The following ITPR2 variants were observed in gnomAD, a reference collection of about 807,000 sequenced individuals.
ITPR2 encodes the protein inositol 1,4,5-trisphosphate-gated calcium channel ITPR2.
In ITPR2, 207 loss-of-function variants were observed where a neutral mutation model predicts 317.1. The ratio of observed to expected loss-of-function variants is 0.65; its 90% confidence interval spans 0.58 to 0.73. The LOEUF (loss-of-function observed/expected upper bound fraction) is 0.73, where lower values mean the gene tolerates loss of function less well. Among genes scored for constraint, ITPR2 ranks in the 30% least tolerant of loss-of-function variants. The pLI, the probability that ITPR2 is intolerant of heterozygous loss-of-function variation, is 0.00. For synonymous variants in ITPR2, 1,156 were observed against 1,149.1 expected (o/e 1.01, Z -0.12); for missense variants, 2,613 against 3,284.0 (o/e 0.80, Z 4.99).
Position 26,513,003 on chromosome 12 carries a change from G to A in ITPR2, c.5074-17743C>T, listed in dbSNP as rs561819699. On this transcript the variant is annotated intron_variant, in intron 37 of 56. Coordinates refer to ENST00000381340, the MANE Select transcript of ITPR2 (RefSeq NM_002223.4). ...CGAGTAGCTGGGATTACAGGTGCCCGGGTAACATTTTGTATTTTTAGTAGA... is the reference window on the plus strand; with the variant it reads ...CGAGTAGCTGGGATTACAGGTGCCCAGGTAACATTTTGTATTTTTAGTAGA... Among the ~76,000 whole-genome samples, 65 of 151,868 alleles carry A rather than the reference G, an allele frequency of 4.3e-4. No individual in the cohort carries two copies. The South Asian group carries it at 4.8e-3, about 11-fold the overall frequency.
chr12:26,689,783 C>T (rs1402498352), intron 10 of ITPR2, among the ~76,000 whole-genome samples: 1 of 152,008 alleles, frequency 6.6e-6, no homozygotes, highest in Non-Finnish European at 1.5e-5. Flanking sequence ...ACTGTAGTGA[C>T]ATCTGATACT....
rs3759118 is a variant in ITPR2, at chr12:26,525,637, C to T, written c.5073+24610G>A. On this transcript the variant is annotated intron_variant, in intron 37 of 56. Coordinates refer to ENST00000381340, the MANE Select transcript of ITPR2 (RefSeq NM_002223.4). ...GTACTACTGAAACAAAACTTTACACCATATAAATAGGATTGCTCTCAATAA... is the reference window on the plus strand; with the variant it reads ...GTACTACTGAAACAAAACTTTACACTATATAAATAGGATTGCTCTCAATAA... 3.2e-4 allele frequency among the ~76,000 whole-genome samples: 49 copies of T among 152,252 alleles called. No homozygotes were observed. The East Asian group carries it at 8.5e-3, about 26-fold the overall frequency.
At chr12:26,462,353 T>C (rs1942058099) in intron 45 of ITPR2, among the ~76,000 whole-genome samples, 1 of 151,898 alleles carries the variant, frequency 6.6e-6, no homozygotes, top group Non-Finnish European at 1.5e-5. Flanking sequence ...TTTTATTAGG[T>C]TGGTGCAAAA....
intron 21 of ITPR2, chr12:26,649,061 GTTC>G (rs1244669026): frequency 1.3e-5 from 2 of 152,126 alleles, no homozygotes; most frequent in African/African-American, 2.4e-5. Flanking sequence ...AATTATTTAA[GTTC>G]TTAACTTTTT....
In ITPR2 at chr12:26,757,942, T is replaced by C. The variant is rs117724879; in HGVS notation, c.164-32177A>G. Among the ~76,000 whole-genome samples, 455 of 152,308 alleles carry C rather than the reference T, an allele frequency of 3.0e-3. 1 individual carries two copies. Among genetic ancestry groups the C allele is most frequent in the Non-Finnish European group, 4.3e-3 (292 of 68,026 alleles). On this transcript the variant is annotated intron_variant, in intron 2 of 56. Transcript: ENST00000381340. ...GGAAAGGGCTGCTGTGACTCTCCTG[T>C]TTGATTATTTCTAGAGCATTAAAAA... is the stretch of plus-strand genomic sequence containing the variant.
chr12:26,825,087 G>C (rs1314907170), intron 1 of ITPR2, among the ~76,000 whole-genome samples: 1 of 152,052 alleles, frequency 6.6e-6, no homozygotes, highest in Admixed American at 6.6e-5. Flanking sequence ...CAATAAATTA[G>C]CCGAATGTGG....
intron 34 of ITPR2, among the ~76,000 whole-genome samples, chr12:26,571,984 T>C (rs1945173603): frequency 6.6e-6 from 1 of 152,242 alleles, no homozygotes; most frequent in Admixed American, 6.5e-5. Context: ...ATAATTGATC[T>C]TTACATTGAC....
intron 45 of ITPR2, among the ~76,000 whole-genome samples, chr12:26,471,543 A>T (rs1446763673): frequency 1.3e-5 from 2 of 152,220 alleles, no homozygotes; most frequent in Admixed American, 1.3e-4. Flanking sequence ...AGTTTTATGT[A>T]GATCAGACAA....
At position 26,622,352 on chromosome 12, in the gene ITPR2, C is replaced by T. The variant is rs1414370506; in HGVS notation, c.3176G>A (p.Arg1059Gln). The change falls in exon 25 of 57, where the codon CGG becomes CAG. Residue 1059 changes from arginine (R) to glutamine (Q), a missense_variant. Physicochemically the swap from Arg to Gln is conservative, Grantham distance 43. This residue lies in a region of ITPR2 where 817 missense variants were observed against 897.6 expected (regional missense o/e 0.91). Coordinates refer to ENST00000381340, the MANE Select transcript of ITPR2 (RefSeq NM_002223.4). ...GTGCATGATCAGATGAATGAGGACC[C>T]GTAAAAACGTCCTGCCTCCTTCATC... ...LDDEGGRTFL[R>Q]VLIHLIMHDY... 2.5e-6 allele frequency: 4 copies of T among 1,612,902 alleles called. No homozygotes were observed. Among genetic ancestry groups the T allele is most frequent in the African/African-American group, 1.3e-5 (1 of 74,936 alleles).
At chr12:26,778,613 G>A (rs566147715) in intron 2 of ITPR2, among the ~76,000 whole-genome samples, 3 of 152,216 alleles carry the variant, frequency 2.0e-5, no homozygotes, top group Non-Finnish European at 4.4e-5. Flanking sequence ...TACTACAGGG[G>A]TATATCAACT....
At chr12:26,724,780 A>G in intron 3 of ITPR2, 38 bp from the exon 4 acceptor site, 1 of 1,434,172 alleles carries the variant, frequency 7.0e-7, no homozygotes, top group Non-Finnish European at 9.7e-7. Context: ...GTAGAAATAT[A>G]GTAAACAGAG....
At chr12:26,410,424 T>TA in intron 52 of ITPR2, among the ~76,000 whole-genome samples, 1 of 152,254 alleles carries the variant, frequency 6.6e-6, no homozygotes, top group East Asian at 1.9e-4. Flanking sequence ...CCTCAAGCAA[T>TA]AGTCCAACAT....
At chr12:26,637,043 T>C (rs551432911) in intron 21 of ITPR2, among the ~76,000 whole-genome samples, 26 of 152,332 alleles carry the variant, frequency 1.7e-4, no homozygotes, top group African/African-American at 6.3e-4. Flanking sequence ...TTTCCATTAA[T>C]CATATGATAA....
At chr12:26,421,809 A>T (rs1592008500) in intron 49 of ITPR2, among the ~76,000 whole-genome samples, 1 of 152,026 alleles carries the variant, frequency 6.6e-6, no homozygotes, top group Non-Finnish European at 1.5e-5. Flanking sequence ...TGTCCTATAT[A>T]TTTTTTTCTT....
intron 48 of ITPR2, 80 bp downstream of exon 48, chr12:26,436,141 A>G (rs1418629523): frequency 1.4e-5 from 19 of 1,312,658 alleles, no homozygotes; most frequent in Non-Finnish European, 1.9e-5. Context: ...ACAGGAATGA[A>G]ATTATTCTTA....
chr12:26,810,823 T>C (rs1032004829), intron 1 of ITPR2, among the ~76,000 whole-genome samples: 4 of 152,170 alleles, frequency 2.6e-5, no homozygotes, highest in African/African-American at 9.7e-5. Context: ...CATTTTTTGT[T>C]TGGTTTCATT....
chr12:26,445,842 G>A (rs60863130), intron 45 of ITPR2, among the ~76,000 whole-genome samples: 1,679 of 152,252 alleles, frequency 0.011, 24 homozygotes, highest in African/African-American at 0.038. Context: ...TAGACAAAAG[G>A]GCAGGGATAA....
intron 55 of ITPR2, among the ~76,000 whole-genome samples, chr12:26,362,879 G>A (rs920429330): frequency 1.3e-5 from 2 of 152,154 alleles, no homozygotes; most frequent in African/African-American, 4.8e-5. Flanking sequence ...ACTGATGGGT[G>A]ATCTTGGGCA....
intron 55 of ITPR2, among the ~76,000 whole-genome samples, chr12:26,384,458 G>C (rs1214794982): frequency 6.6e-6 from 1 of 152,174 alleles, no homozygotes; most frequent in Non-Finnish European, 1.5e-5. Flanking sequence ...GGATGAAAAT[G>C]AAACGTTTCA....
Sources: gnomAD v4.1 joint callset for allele counts (sites outside exome capture counted in the v4.1 genomes callset) on GRCh38, gnomAD v4.1.1 for gene constraint, gnomAD v4.1.1 regional missense constraint, MANE v1.5 for transcripts, NCBI Gene and HGNC (gene_info 2026-07-23, HGNC 2026-07-21) for gene names.